Variants in PPP1R12B observed in about 807,000 individuals in gnomAD.
PPP1R12B encodes the protein protein phosphatase 1 regulatory subunit 12B, also known as myosin phosphatase target subunit 2.
Under a neutral mutation model 126.1 loss-of-function variants are expected in PPP1R12B, and 76 were observed. The ratio of observed to expected loss-of-function variants is 0.60; its 90% CI spans 0.50 to 0.73. The LOEUF is 0.73. PPP1R12B is among the 30% of genes least tolerant of loss of function. The pLI is 0.00. For missense variants in PPP1R12B, 1,052 were observed against 1,205.1 expected, an observed-to-expected ratio of 0.87 and a Z score of 1.88; for synonymous variants, 356 against 434.7, an observed-to-expected ratio of 0.82 and a Z score of 2.25.
chr1:202,383,376 A>G (rs1662646916), intron 1 of PPP1R12B, among the ~76,000 whole-genome samples: 1 of 152,170 alleles, frequency 6.6e-6, no homozygotes, highest in South Asian at 2.1e-4. Context: ...TTACATTTTT[A>G]TGATCTATAA....
At chr1:202,564,105 G>T (rs972234805) in intron 20 of PPP1R12B, among the ~76,000 whole-genome samples, 6 of 152,214 alleles carry the variant, frequency 3.9e-5, no homozygotes, top group Non-Finnish European at 8.8e-5. Flanking sequence ...TTGTTAAGCA[G>T]AACTTGACTA....
At chr1:202,369,837 C>G (rs1036439067) in intron 1 of PPP1R12B, 2 of 153,922 alleles carry the variant, frequency 1.3e-5, no homozygotes, top group Non-Finnish European at 2.9e-5. Context: ...GCTCCATCAT[C>G]CAGGCTGGAG....
At chr1:202,475,656 T>C (rs551096583) in intron 13 of PPP1R12B, among the ~76,000 whole-genome samples, 1 of 152,284 alleles carries the variant, frequency 6.6e-6, no homozygotes, top group East Asian at 1.9e-4. Context: ...AGCATCTCCT[T>C]AGGCCTTTAT....
intron 1 of PPP1R12B, among the ~76,000 whole-genome samples, chr1:202,389,738 C>T (rs1421650023): frequency 6.6e-6 from 1 of 151,842 alleles, no homozygotes; most frequent in African/African-American, 2.4e-5. Context: ...ACCAGCCTGG[C>T]CAACATAGTG....
chr1:202,514,533 T>G (rs1002915267), intron 18 of PPP1R12B, among the ~76,000 whole-genome samples: 1 of 152,116 alleles, frequency 6.6e-6, no homozygotes, highest in Non-Finnish European at 1.5e-5. Context: ...ATTGCCTAGG[T>G]TGTCTCCAGG....
At chr1:202,556,759 C>T (rs1432252126) in intron 18 of PPP1R12B, among the ~76,000 whole-genome samples, 1 of 152,218 alleles carries the variant, frequency 6.6e-6, no homozygotes, top group Non-Finnish European at 1.5e-5. Context: ...GCTTCTTCCT[C>T]AGTGCCTCCT....
intron 13 of PPP1R12B, among the ~76,000 whole-genome samples, chr1:202,478,373 T>C (rs1172816504): frequency 6.6e-6 from 1 of 152,232 alleles, no homozygotes; most frequent in East Asian, 1.9e-4. Context: ...GAAAACGTAG[T>C]ATGTTCTCAA....
chr1:202,449,625 A>G (rs1321134810), intron 13 of PPP1R12B, among the ~76,000 whole-genome samples: 1 of 151,884 alleles, frequency 6.6e-6, no homozygotes, highest in Non-Finnish European at 1.5e-5. Context: ...CTGAGCAGTC[A>G]GTTTTTGGTG....
intron 1 of PPP1R12B, among the ~76,000 whole-genome samples, chr1:202,386,984 G>T (rs1663249967): frequency 6.6e-6 from 1 of 152,166 alleles, no homozygotes. Context: ...TTTTAGAAGA[G>T]CTTTTGTTCA....
At chr1:202,446,428 T>G (rs1195655325) in intron 12 of PPP1R12B, among the ~76,000 whole-genome samples, 1 of 148,430 alleles carries the variant, frequency 6.7e-6, no homozygotes, top group Non-Finnish European at 1.5e-5. Context: ...TAATTTTTTG[T>G]ATTTTTAGTA....
intron 18 of PPP1R12B, among the ~76,000 whole-genome samples, chr1:202,554,695 A>T (rs1277927885): frequency 1.3e-5 from 2 of 152,052 alleles, no homozygotes; most frequent in African/African-American, 2.4e-5. Flanking sequence ...TGTCTGCTGG[A>T]TCACTCATCA....
At position 202,377,337 on chromosome 1, in the gene PPP1R12B, C is replaced by T. The variant is rs528253851; in HGVS notation, c.291+28195C>T. ...GTAGTATCTTTTTTTTTTTTTCGCTCTGTCGCCCAGGCTGGAGTTCAGTGG... is the reference window on the plus strand; with the variant it reads ...GTAGTATCTTTTTTTTTTTTTCGCTTTGTCGCCCAGGCTGGAGTTCAGTGG... On this transcript the variant is annotated intron_variant, in intron 1 of 23. Transcript: ENST00000608999. 1.1e-4 allele frequency among the ~76,000 whole-genome samples: 16 copies of T among 146,840 alleles called. No homozygotes were observed. In the South Asian group the frequency reaches 3.3e-3, roughly 30 times the overall value.
chr1:202,528,729 TTTTTTGTTTTTG>T (rs1306887864), intron 18 of PPP1R12B, among the ~76,000 whole-genome samples: 1 of 151,886 alleles, frequency 6.6e-6, no homozygotes, highest in Admixed American at 6.6e-5. Flanking sequence ...GAAAGGTTTT[TTTTTTGTTTTTG>T]TTTTTGTTTT....
rs566040411 is a variant in PPP1R12B at position 202,359,422 on chromosome 1, C to T, written c.291+10280C>T. ...TTTTGGGATTACAGTCATGAGCCAC[C>T]GTGCCCAGCTTATATTTTATTTGTA... On this transcript the variant is annotated intron_variant, in intron 1 of 23. Transcript: ENST00000608999. Among the ~76,000 whole-genome samples the T allele has an allele frequency of 1.9e-4, 29 of 152,020 alleles. 1 individual carries two copies. Among genetic ancestry groups the T allele is most frequent in the East Asian group, 9.7e-4 (5 of 5,158 alleles).
chr1:202,444,603 T>G (rs1672011734), intron 12 of PPP1R12B, among the ~76,000 whole-genome samples: 1 of 152,238 alleles, frequency 6.6e-6, no homozygotes. Context: ...CTTTTGCTTT[T>G]GCAGTGCTAA....
intron 13 of PPP1R12B, among the ~76,000 whole-genome samples, chr1:202,468,940 AGAAAG>A (rs896488716): frequency 6.6e-6 from 1 of 152,204 alleles, no homozygotes; most frequent in Non-Finnish European, 1.5e-5. Context: ...CTCAAAAAAA[AGAAAG>A]GGAAGGTAAA....
chr1:202,532,680 G>T (rs1246687115), intron 18 of PPP1R12B, among the ~76,000 whole-genome samples: 1 of 151,924 alleles, frequency 6.6e-6, no homozygotes, highest in African/African-American at 2.4e-5. Flanking sequence ...AGAGTCCTCT[G>T]TAAAGAGAGA....
At chr1:202,458,054 G>A (rs574646349) in intron 13 of PPP1R12B, among the ~76,000 whole-genome samples, 2 of 152,306 alleles carry the variant, frequency 1.3e-5, no homozygotes, top group Admixed American at 1.3e-4. Flanking sequence ...GGGGAATGGG[G>A]AGAGTGGGAC....
intron 23 of PPP1R12B, among the ~76,000 whole-genome samples, chr1:202,570,963 A>G (rs552629719): frequency 6.6e-6 from 1 of 152,274 alleles, no homozygotes; most frequent in South Asian, 2.1e-4. Context: ...AAATGTCCTA[A>G]ATGCTGATCT....
Sources: allele counts gnomAD v4.1 joint callset (sites outside exome capture counted in the v4.1 genomes callset), GRCh38; gene constraint gnomAD v4.1.1; transcripts MANE v1.5; gene names NCBI Gene and HGNC (gene_info 2026-07-23, HGNC 2026-07-21).